The following ADAMTS19 variants were observed in gnomAD, a reference collection of about 807,000 sequenced individuals.
ADAMTS19 encodes ADAM metallopeptidase with thrombospondin type 1 motif 19.
In ADAMTS19, 93 loss-of-function variants were observed where a neutral mutation model predicts 153.3. The observed-to-expected ratio is 0.61, with a 90% CI of 0.51 to 0.72. The LOEUF is 0.72. Among genes scored for constraint, ADAMTS19 ranks in the 30% least tolerant of loss-of-function variants. The pLI, the probability that ADAMTS19 is intolerant of heterozygous loss-of-function variation, is 0.00. For synonymous variants in ADAMTS19, 600 were observed against 556.6 expected, an observed-to-expected ratio of 1.08 and a Z score of -1.10; for missense variants, 1,482 against 1,552.1, an observed-to-expected ratio of 0.95 and a Z score of 0.76.
chr5:129,485,903 G>T (rs1750574603), intron 2 of ADAMTS19, among the ~76,000 whole-genome samples: 1 of 151,926 alleles, frequency 6.6e-6, no homozygotes, highest in Non-Finnish European at 1.5e-5. Flanking sequence ...TGATTCTCCT[G>T]CCTCTGCCTC....
intron 8 of ADAMTS19, among the ~76,000 whole-genome samples, chr5:129,608,946 A>C (rs1171279225): frequency 3.9e-5 from 6 of 152,214 alleles, no homozygotes; most frequent in Non-Finnish European, 8.8e-5. Context: ...AATAGATGAA[A>C]TAAGAATAAA....
At chr5:129,553,401 T>C (rs1475217776) in intron 7 of ADAMTS19, among the ~76,000 whole-genome samples, 1 of 152,204 alleles carries the variant, frequency 6.6e-6, no homozygotes, top group African/African-American at 2.4e-5. Flanking sequence ...TGTGATATAG[T>C]ATATGTAAAT....
rs145550970 is a variant in ADAMTS19 at position 129,717,623 on chromosome 5, T to C, written c.3312+13232T>C. ...CAAGGAAACAGGCAGACTTCTTTTG[T>C]GTCGTCTTGAATCCGTTTGGCTGGA... On this transcript the variant is annotated intron_variant, in intron 21 of 22. Coordinates refer to ENST00000274487, the MANE Select transcript of ADAMTS19 (RefSeq NM_133638.6). Among the ~76,000 whole-genome samples, 1,063 of 152,340 alleles carry C rather than the reference T, an allele frequency of 7.0e-3. 16 individuals carry two copies. Among genetic ancestry groups the C allele is most frequent in the Middle Eastern group, 0.02 (6 of 294 alleles).
At chr5:129,522,992 T>C (rs1045226149) in intron 3 of ADAMTS19, among the ~76,000 whole-genome samples, 3 of 150,228 alleles carry the variant, frequency 2.0e-5, no homozygotes, top group African/African-American at 7.4e-5. Flanking sequence ...GAGGCAGAGG[T>C]TGAAGTGAGC....
chr5:129,502,984 G>C (rs576109016), intron 2 of ADAMTS19, among the ~76,000 whole-genome samples: 5 of 152,300 alleles, frequency 3.3e-5, no homozygotes, highest in Admixed American at 3.3e-4. Flanking sequence ...GGGTCTGCTT[G>C]ATTTTGAAGA....
intron 10 of ADAMTS19, among the ~76,000 whole-genome samples, chr5:129,624,484 T>C (rs1751934646): frequency 6.6e-6 from 1 of 152,162 alleles, no homozygotes; most frequent in Admixed American, 6.6e-5. Flanking sequence ...ACTATTATTT[T>C]AGGCAACAAA....
chr5:129,619,643 G>GGA (rs1751687033), intron 8 of ADAMTS19, among the ~76,000 whole-genome samples: 1 of 151,964 alleles, frequency 6.6e-6, no homozygotes, highest in African/African-American at 2.4e-5. Context: ...TAGGAGGAGG[G>GGA]GAAGGGAGAA....
In ADAMTS19 at chr5:129,679,768, C is replaced by T. The variant is rs150663560; in HGVS notation, c.2511C>T (p.Leu837=). Reference sequence around the variant, plus strand: ...TATTTTTGAACCTCTTTATAGCTCTCCGAGATGCTGGCAAACAGTCTATTA... The same window carrying T: ...TATTTTTGAACCTCTTTATAGCTCTTCGAGATGCTGGCAAACAGTCTATTA... ...EEKPAHSYLA[L]RDAGKQSINS... The change falls in exon 17 of 23, where the codon CTC becomes CTT. Residue 837 remains leucine, a synonymous_variant. Transcript: ENST00000274487. 3 of 1,609,290 alleles carry T rather than the reference C, an allele frequency of 1.9e-6. No homozygotes were observed. The highest frequency in any genetic ancestry group is 2.7e-5 in the African/African-American group (2 of 74,738).
Position 129,461,058 on chromosome 5 carries a change from C to A in ADAMTS19, c.92-44C>A. On this transcript the variant is annotated intron_variant, in intron 1 of 22. Coordinates refer to ENST00000274487, the MANE Select transcript of ADAMTS19 (RefSeq NM_133638.6). The surrounding 1 kb of genome is among the most constrained non-coding windows in gnomAD (Gnocchi z 4.6). ...CTTGGAAATGTTTGTGCTACTGGAACCGCGGCACTTTAAGCCCCGCACTTC... is the reference window on the plus strand; with the variant it reads ...CTTGGAAATGTTTGTGCTACTGGAAACGCGGCACTTTAAGCCCCGCACTTC... 1 of 1,323,296 alleles carries A rather than the reference C, an allele frequency of 7.6e-7. No individual in the cohort carries two copies. The highest frequency in any genetic ancestry group is 9.6e-7 in the Non-Finnish European group (1 of 1,041,838). The allele number at this position is 1,323,296 out of a possible 1,614,324, so 82.0% of individuals were successfully genotyped here. A position where few individuals can be genotyped will look rare whatever the true frequency, so the allele number is the denominator to read the frequency against.
At chr5:129,706,307 C>T (rs1157543393) in intron 21 of ADAMTS19, among the ~76,000 whole-genome samples, 3 of 152,190 alleles carry the variant, frequency 2.0e-5, no homozygotes, top group African/African-American at 4.8e-5. Flanking sequence ...CAGTGGCTCA[C>T]GCCTGTAATC....
chr5:129,525,536 A>C (rs1751976423), intron 3 of ADAMTS19, among the ~76,000 whole-genome samples: 1 of 152,014 alleles, frequency 6.6e-6, no homozygotes, highest in African/African-American at 2.4e-5. Flanking sequence ...TATTCTGGAA[A>C]AGTATTGCAA....
At chr5:129,665,652 G>A (rs2127082945) in intron 16 of ADAMTS19, 73 bp downstream of exon 16, 2 of 1,146,472 alleles carry the variant, frequency 1.7e-6, no homozygotes, top group South Asian at 1.5e-5. Flanking sequence ...TCTATGATGA[G>A]GAGGAAGTCA....
chr5:129,621,001 T>C (rs917625211), intron 9 of ADAMTS19, among the ~76,000 whole-genome samples: 23 of 152,128 alleles, frequency 1.5e-4, no homozygotes, highest in Admixed American at 6.6e-4. Flanking sequence ...GATTGAAAAA[T>C]TGTTATCATG....
intron 8 of ADAMTS19, among the ~76,000 whole-genome samples, chr5:129,606,827 C>T (rs1418877205): frequency 6.6e-6 from 1 of 152,168 alleles, no homozygotes; most frequent in Non-Finnish European, 1.5e-5. Context: ...ATTGTACTTA[C>T]CTGTTAATGG....
intron 6 of ADAMTS19, among the ~76,000 whole-genome samples, chr5:129,550,054 AT>A (rs1753032780): frequency 1.2e-5 from 1 of 80,174 alleles, no homozygotes; most frequent in Non-Finnish European, 2.6e-5. Flanking sequence ...ATGTATCTGT[AT>A]ATGTATGTAT....
At chr5:129,720,172 TTA>T (rs1349560447) in intron 21 of ADAMTS19, among the ~76,000 whole-genome samples, 67 of 121,062 alleles carry the variant, frequency 5.5e-4, no homozygotes, top group African/African-American at 2.5e-3. Context: ...ATATATATAT[TTA>T]TTTTTTTTTT....
chr5:129,636,584 C>T (rs1008366729), intron 10 of ADAMTS19, among the ~76,000 whole-genome samples: 1 of 152,242 alleles, frequency 6.6e-6, no homozygotes, highest in African/African-American at 2.4e-5. Context: ...CCTTTCTATG[C>T]CTATCACTCA....
At chr5:129,625,304 C>T (rs1325103906) in intron 10 of ADAMTS19, among the ~76,000 whole-genome samples, 1 of 152,130 alleles carries the variant, frequency 6.6e-6, no homozygotes, top group East Asian at 1.9e-4. Flanking sequence ...CATATGTGTG[C>T]ATGTGTCTTT....
chr5:129,598,062 C>A (rs1459918962), intron 8 of ADAMTS19, among the ~76,000 whole-genome samples: 1 of 152,086 alleles, frequency 6.6e-6, no homozygotes, highest in Non-Finnish European at 1.5e-5. Flanking sequence ...GGGAGGTGAT[C>A]TTTATGGAGG....
Sources: allele counts gnomAD v4.1 joint callset (sites outside exome capture counted in the v4.1 genomes callset), GRCh38; gene constraint gnomAD v4.1.1; non-coding constraint Gnocchi (gnomAD v3.1); transcripts MANE v1.5; gene names NCBI Gene and HGNC (gene_info 2026-07-23, HGNC 2026-07-21).